The following NHSL2 variants were observed in gnomAD, a reference collection of about 807,000 sequenced individuals.
NHSL2 encodes the protein NHS-like protein 2.
NHSL2 carries 27 observed loss-of-function variants against 53.4 expected under a neutral mutation model. The ratio of observed to expected loss-of-function variants is 0.51; its 90% CI spans 0.37 to 0.70. The LOEUF (loss-of-function observed/expected upper bound fraction) is 0.70. Among genes scored for constraint, NHSL2 ranks in the 30% least tolerant of loss-of-function variants. The pLI, the probability that NHSL2 is intolerant of heterozygous loss-of-function variation, is 0.00. For synonymous variants in NHSL2, 408 were observed against 404.1 expected, an observed-to-expected ratio of 1.01 and a Z score of -0.12; for missense variants, 892 against 980.1, an observed-to-expected ratio of 0.91 and a Z score of 1.20.
chrX:72,118,326 T>G (rs1470819523), intron 1 of NHSL2, among the ~76,000 whole-genome samples: 1 of 112,537 alleles, frequency 8.9e-6, no homozygotes, highest in Non-Finnish European at 1.9e-5. Context: ...TTTGGATTAT[T>G]ATTTGTCTTT....
chrX:72,044,872 C>T (rs1342083101), intron 1 of NHSL2: 11 of 948,145 alleles, frequency 1.2e-5, no homozygotes, highest in South Asian at 1.9e-5. Flanking sequence ...TGCCCCACGT[C>T]CCCCACCAAA....
chrX:71,943,349 G>A (rs2041777725), intron 1 of NHSL2, among the ~76,000 whole-genome samples: 1 of 112,187 alleles, frequency 8.9e-6, no homozygotes, highest in South Asian at 3.7e-4. Flanking sequence ...TCTTCCTTAA[G>A]CACAACTTTC....
At chrX:72,053,820 C>T (rs1486541664) in intron 1 of NHSL2, among the ~76,000 whole-genome samples, 1 of 111,894 alleles carries the variant, frequency 8.9e-6, no homozygotes, top group Non-Finnish European at 1.9e-5. Flanking sequence ...ACCCCCATCT[C>T]ATTCCCAGCA....
Position 72,143,286 on chromosome X carries a change from T to A in NHSL2, c.3390T>A (p.Pro1130=). The change falls in exon 8 of 8, where the codon CCT becomes CCA. Residue 1130 remains proline, a synonymous_variant. Transcript: ENST00000633930. ...GGAAGCTGCTCGGCTGGAAGGAACC[T>A]GGTGAGGCCTTTGTGGGTGGCAGAA... is the stretch of plus-strand genomic sequence containing the variant. ...SKRKLLGWKE[P]GEAFVGGRTS... is the part of the protein sequence containing the mutation. 1 of 1,162,529 alleles carries A rather than the reference T, an allele frequency of 8.6e-7. No homozygotes were observed. Among genetic ancestry groups the A allele is most frequent in the East Asian group, 3.3e-5 (1 of 30,714 alleles).
In NHSL2 at chrX:72,140,566, A is replaced by G. The variant is rs2042408877; in HGVS notation, c.3018A>G (p.Lys1006=). The G allele has an allele frequency of 8.3e-7, 1 of 1,210,107 alleles. No homozygotes were observed. Among genetic ancestry groups the G allele is most frequent in the South Asian group, 1.8e-5 (1 of 56,804 alleles). Residue 1006 remains lysine, a synonymous_variant, in exon 6 of 8, where the codon AAA becomes AAG. Coordinates refer to ENST00000633930, the MANE Select transcript of NHSL2 (RefSeq NM_001013627.3). The part of the protein sequence containing the change: ...KKGKIPPPVP[K]KPSVLYLPLT... ...GCAAGATTCCACCTCCCGTACCAAA[A>G]AAACCCAGCGTGCTGTACCTGCCTC...
intron 1 of NHSL2, among the ~76,000 whole-genome samples, chrX:72,023,021 G>A (rs1037150663): frequency 8.9e-6 from 1 of 112,641 alleles, no homozygotes; most frequent in Non-Finnish European, 1.9e-5. Flanking sequence ...GCTCCTGGAA[G>A]GCAGGACTGT....
rs998950636 is a variant in NHSL2, at chrX:71,939,062, A to T, written c.280+27695A>T. Among the ~76,000 whole-genome samples, 3 of 112,551 alleles carry T rather than the reference A, an allele frequency of 2.7e-5. No homozygotes were observed. The South Asian group carries it at 1.1e-3, about 41-fold the overall frequency. ...GAGTACAGGGTAATAAGGCAATGGC[A>T]GCTAAGCTGGACTTGGGGAGCCAAG... On this transcript the variant is annotated intron_variant, in intron 1 of 7. Transcript: ENST00000633930.
chrX:72,129,512 A>G lies in NHSL2; in HGVS notation c.281-2567A>G, dbSNP rs10126749. 6.4e-3 allele frequency: 1,668 copies of G among 260,857 alleles called. 29 individuals are homozygous for G. Among genetic ancestry groups the G allele is most frequent in the African/African-American group, 0.042 (1,543 of 36,421 alleles). 21.5% of individuals were successfully genotyped at this position (260,857 alleles called of 1,213,427 possible). A position where few individuals can be genotyped will look rare whatever the true frequency, so the allele number is the denominator to read the frequency against. ...TGAGGGTTAGGAACAACCAGAGGGG[A>G]AATACAAGAGGGTGACCAGTTCATT... On this transcript the variant is annotated intron_variant, in intron 1 of 7. Transcript: ENST00000633930.
At chrX:72,096,113 T>C (rs1400357775) in intron 1 of NHSL2, among the ~76,000 whole-genome samples, 1 of 109,142 alleles carries the variant, frequency 9.2e-6, no homozygotes, top group African/African-American at 3.3e-5. Flanking sequence ...GCTGCTCTTT[T>C]AAAAAGCTGA....
chrX:71,949,976 G>A (rs1043773375), intron 1 of NHSL2, among the ~76,000 whole-genome samples: 8 of 113,314 alleles, frequency 7.1e-5, no homozygotes, highest in Non-Finnish European at 3.7e-5. Context: ...CAGACCACAC[G>A]GTTGGCAGCA....
At chrX:72,037,791 AG>A (rs1333068848) in intron 1 of NHSL2, among the ~76,000 whole-genome samples, 1 of 111,920 alleles carries the variant, frequency 8.9e-6, no homozygotes. Context: ...ACCGTGTTGC[AG>A]GGCAGAGGGT....
intron 1 of NHSL2, among the ~76,000 whole-genome samples, chrX:71,987,948 A>C (rs1024234777): frequency 8.9e-6 from 1 of 112,358 alleles, no homozygotes; most frequent in Non-Finnish European, 1.9e-5. Context: ...AGGGCTAACT[A>C]TAACATGAAA....
intron 1 of NHSL2, among the ~76,000 whole-genome samples, chrX:72,098,731 AAC>A: frequency 8.9e-6 from 1 of 111,807 alleles, no homozygotes; most frequent in Non-Finnish European, 1.9e-5. Context: ...ATGTTACGTA[AAC>A]CATTATATGT....
intron 1 of NHSL2, among the ~76,000 whole-genome samples, chrX:72,067,911 G>A (rs2042440963): frequency 8.9e-6 from 1 of 112,198 alleles, no homozygotes; most frequent in South Asian, 3.7e-4. Context: ...TTGAAAGCTG[G>A]AGACTCAACA....
At chrX:72,132,005 G>T in intron 1 of NHSL2, 74 bp from the exon 2 acceptor site, 22 of 1,067,612 alleles carry the variant, frequency 2.1e-5, no homozygotes, top group Non-Finnish European at 2.7e-5. Flanking sequence ...GGGGAACCGC[G>T]GGCGCCCACT....
chrX:72,136,800 G>T (rs915706644), intron 4 of NHSL2, among the ~76,000 whole-genome samples: 1 of 112,382 alleles, frequency 8.9e-6, no homozygotes, highest in Non-Finnish European at 1.9e-5. Context: ...AGTGTTCTGG[G>T]GTAAGGTCCA....
chrX:71,925,260 G>A (rs751534097), intron 1 of NHSL2, among the ~76,000 whole-genome samples: 1 of 111,259 alleles, frequency 9.0e-6, no homozygotes, highest in East Asian at 2.8e-4. Flanking sequence ...GTGGTGTCTG[G>A]GCTGATGCCT....
At chrX:72,121,028 C>A (rs2042177407) in intron 1 of NHSL2, among the ~76,000 whole-genome samples, 1 of 112,579 alleles carries the variant, frequency 8.9e-6, no homozygotes, top group Admixed American at 9.3e-5. Flanking sequence ...CTGGGGCCTG[C>A]TCTTCGTGAG....
chrX:72,070,792 G>A (rs1253223098), intron 1 of NHSL2, among the ~76,000 whole-genome samples: 2 of 110,470 alleles, frequency 1.8e-5, no homozygotes, highest in Non-Finnish European at 3.8e-5. Flanking sequence ...GAGTCCAGGA[G>A]GAGCCTGCAG....
Sources: allele counts gnomAD v4.1 joint callset (sites outside exome capture counted in the v4.1 genomes callset), GRCh38; gene constraint gnomAD v4.1.1; transcripts MANE v1.5; gene names NCBI Gene and HGNC (gene_info 2026-07-23, HGNC 2026-07-21).